CEP128: variants seen among roughly 807,000 people sequenced by gnomAD.
CEP128 encodes the protein centrosomal protein 128kDa.
A neutral mutation model predicts 156.7 loss-of-function variants in CEP128; 132 were observed. That is an observed-to-expected ratio of 0.84 (90% CI 0.73 to 0.97). The LOEUF (loss-of-function observed/expected upper bound fraction) is 0.97. CEP128 is among the 50% of genes least tolerant of loss of function. The pLI is 0.00. For synonymous variants in CEP128, 469 were observed against 448.9 expected (o/e 1.04, Z -0.57); for missense variants, 1,252 against 1,281.9 (o/e 0.98, Z 0.36).
At chr14:80,946,162 C>T (rs1396855267), upstream of CEP128, among the ~76,000 whole-genome samples, 3 of 152,102 alleles carry the variant, frequency 2.0e-5, no homozygotes, top group Non-Finnish European at 2.9e-5. Flanking sequence ...AGCCTAGTGT[C>T]TAATTCATGG....
intron 21 of CEP128, among the ~76,000 whole-genome samples, chr14:80,535,289 G>C (rs988609340): frequency 1.3e-5 from 2 of 152,206 alleles, no homozygotes; most frequent in Non-Finnish European, 2.9e-5. Flanking sequence ...GCAAAGCTGG[G>C]ATGCAAATCC....
intron 11 of CEP128, among the ~76,000 whole-genome samples, chr14:80,837,452 C>A (rs967752719): frequency 1.3e-5 from 2 of 150,090 alleles, no homozygotes; most frequent in African/African-American, 5.1e-5. Context: ...GGCGTGGTGG[C>A]TCACACCTAT....
Position 80,949,096 on chromosome 14 carries a change from T to C in CEP128, c.-172+9082A>G, listed in dbSNP as rs183377317. Among the ~76,000 whole-genome samples the C allele has an allele frequency of 9.2e-5, 14 of 152,190 alleles. No individual in the cohort carries two copies. The East Asian group carries it at 2.5e-3, about 27-fold the overall frequency. On this transcript the variant is annotated intron_variant, in intron 2 of 7. Coordinates refer to the CEP128 transcript ENST00000555529. The stretch of plus-strand genomic sequence containing the variant: ...CAGATTTACCCTCCCACCAGAATTA[T>C]ACCAAAAAAACAGGCAAGATATACG...
intron 14 of CEP128, among the ~76,000 whole-genome samples, chr14:80,478,856 T>C (rs1251405702): frequency 6.6e-6 from 1 of 152,242 alleles, no homozygotes; most frequent in Non-Finnish European, 1.5e-5. Context: ...ATTAATGCAA[T>C]CTAACAGAAT....
chr14:80,554,799 A>T (rs958418702), intron 21 of CEP128, among the ~76,000 whole-genome samples: 13 of 151,758 alleles, frequency 8.6e-5, no homozygotes, highest in African/African-American at 3.1e-4. Flanking sequence ...TTTCTATTTC[A>T]TTAATTTTCA....
intron 13 of CEP128, among the ~76,000 whole-genome samples, chr14:80,821,412 A>T (rs574536509): frequency 1.8e-4 from 27 of 152,172 alleles, no homozygotes; most frequent in Non-Finnish European, 1.5e-4. Context: ...TTACTTACTC[A>T]AGGAACATTA....
At chr14:80,806,866 C>T (rs920650771) in intron 13 of CEP128, among the ~76,000 whole-genome samples, 1 of 152,000 alleles carries the variant, frequency 6.6e-6, no homozygotes, top group Admixed American at 6.6e-5. Flanking sequence ...TATAACACAA[C>T]ACCTAATATT....
At chr14:80,559,914 A>C (rs1890597747) in intron 20 of CEP128, among the ~76,000 whole-genome samples, 1 of 152,220 alleles carries the variant, frequency 6.6e-6, no homozygotes, top group Admixed American at 6.5e-5. Context: ...GGTCATTGAT[A>C]ACGATGCATC....
intron 16 of CEP128, among the ~76,000 whole-genome samples, chr14:80,763,452 A>G (rs1452032728): frequency 6.6e-6 from 1 of 152,154 alleles, no homozygotes; most frequent in Non-Finnish European, 1.5e-5. Flanking sequence ...TGTATCATTT[A>G]CTCATTAGAA....
chr14:80,679,961 G>A (rs749038471), intron 19 of CEP128, among the ~76,000 whole-genome samples: 8 of 152,128 alleles, frequency 5.3e-5, no homozygotes, highest in African/African-American at 9.7e-5. Flanking sequence ...AAGAACCTAC[G>A]TTGAAATATT....
At chr14:80,587,601 A>AG (rs1422148329) in intron 19 of CEP128, among the ~76,000 whole-genome samples, 1 of 152,142 alleles carries the variant, frequency 6.6e-6, no homozygotes, top group Non-Finnish European at 1.5e-5. Context: ...CTCATGCTTG[A>AG]GTCTGGCACT....
intron 2 of CEP128, among the ~76,000 whole-genome samples, chr14:80,929,366 G>A (rs1435270190): frequency 6.6e-6 from 1 of 152,172 alleles, no homozygotes; most frequent in African/African-American, 2.4e-5. Flanking sequence ...TCCCACTACA[G>A]GGTATCTACC....
At chr14:80,736,241 C>T (rs891564952) in intron 19 of CEP128, among the ~76,000 whole-genome samples, 2 of 134,182 alleles carry the variant, frequency 1.5e-5, no homozygotes, top group African/African-American at 2.8e-5. Flanking sequence ...TTTAAGGTAG[C>T]TCTAATATAA....
chr14:80,559,485 A>T (rs534619330), intron 20 of CEP128, among the ~76,000 whole-genome samples, 183 bp from the exon 21 acceptor site: 38 of 152,314 alleles, frequency 2.5e-4, no homozygotes, highest in African/African-American at 8.9e-4. Flanking sequence ...GAATGAATGT[A>T]TCTTTTTTCA....
At chr14:80,697,301 C>G (rs1206694698) in intron 19 of CEP128, among the ~76,000 whole-genome samples, 1 of 152,012 alleles carries the variant, frequency 6.6e-6, no homozygotes, top group African/African-American at 2.4e-5. Context: ...AATGGTTGTT[C>G]TCCTTACACA....
chr14:80,746,567 A>G (rs530679744), intron 18 of CEP128, among the ~76,000 whole-genome samples: 56 of 152,340 alleles, frequency 3.7e-4, no homozygotes, highest in Admixed American at 1.0e-3. Flanking sequence ...CCCCTACTTC[A>G]CACCATATAC....
At chr14:80,861,474 T>C (rs963365023) in intron 9 of CEP128, among the ~76,000 whole-genome samples, 2 of 152,086 alleles carry the variant, frequency 1.3e-5, no homozygotes, top group Admixed American at 1.3e-4. Context: ...CCTGATATGA[T>C]ACTATGGGAA....
At chr14:80,714,912 A>G (rs1362464329) in intron 19 of CEP128, among the ~76,000 whole-genome samples, 2 of 152,174 alleles carry the variant, frequency 1.3e-5, no homozygotes, top group Non-Finnish European at 2.9e-5. Flanking sequence ...AAAGACATCA[A>G]TCACATGGAA....
At chr14:80,713,861 G>A (rs542750847) in intron 19 of CEP128, among the ~76,000 whole-genome samples, 1 of 152,132 alleles carries the variant, frequency 6.6e-6, no homozygotes, top group Admixed American at 6.5e-5. Context: ...TTTGCACAAA[G>A]AATCAAGAGT....
Sources: allele counts gnomAD v4.1 joint callset (sites outside exome capture counted in the v4.1 genomes callset), GRCh38; gene constraint gnomAD v4.1.1; transcripts MANE v1.5; gene names NCBI Gene and HGNC (gene_info 2026-07-23, HGNC 2026-07-21).